RBFOX1: variants seen among roughly 807,000 people sequenced by gnomAD.
RBFOX1 encodes RNA binding protein fox-1 homolog 1.
In RBFOX1, 8 loss-of-function variants were observed where a neutral mutation model predicts 57.7. The observed-to-expected ratio is 0.14, with a 90% confidence interval of 0.08 to 0.25. The LOEUF (loss-of-function observed/expected upper bound fraction) is 0.25, where lower values mean the gene tolerates loss of function less well. Among genes scored for constraint, RBFOX1 ranks in the 10% least tolerant of loss-of-function variants. RBFOX1 has a pLI of 1.00. For synonymous variants in RBFOX1, 326 were observed against 222.4 expected (o/e 1.47, Z -4.15); for missense variants, 611 against 548.5 (o/e 1.11, Z -1.14).
At chr16:7,177,718 C>A (rs866297318) in intron 4 of RBFOX1, among the ~76,000 whole-genome samples, 2 of 152,106 alleles carry the variant, frequency 1.3e-5, no homozygotes, top group Admixed American at 6.6e-5. Context: ...CTGTGAGGAG[C>A]CAGGTCATAA....
At chr16:6,388,972 T>C (rs1186911202) in intron 2 of RBFOX1, among the ~76,000 whole-genome samples, 4 of 152,160 alleles carry the variant, frequency 2.6e-5, no homozygotes, top group Non-Finnish European at 5.9e-5. Context: ...TGACATCACT[T>C]GAAAGGTCCC....
intron 4 of RBFOX1, among the ~76,000 whole-genome samples, chr16:5,875,870 G>A (rs1163710986): frequency 1.3e-5 from 2 of 150,336 alleles, no homozygotes; most frequent in Non-Finnish European, 3.0e-5. Context: ...TTGAGAGGGA[G>A]TCTTGCTTTG....
At chr16:6,327,943 C>T (rs967584905) in intron 2 of RBFOX1, among the ~76,000 whole-genome samples, 1 of 151,936 alleles carries the variant, frequency 6.6e-6, no homozygotes, top group Admixed American at 6.6e-5. Context: ...TTTTATGGGG[C>T]GTACACTCAG....
intron 3 of RBFOX1, among the ~76,000 whole-genome samples, chr16:6,881,211 G>C (rs1017011843): frequency 6.6e-6 from 1 of 152,198 alleles, no homozygotes; most frequent in African/African-American, 2.4e-5. Context: ...AAGGAGAATA[G>C]CCAGGAGTCT....
Position 7,439,076 on chromosome 16 carries a change from T to G in RBFOX1, c.28-79071T>G, listed in dbSNP as rs186907336. Among the ~76,000 whole-genome samples, 110 of 152,282 alleles carry G rather than the reference T, an allele frequency of 7.2e-4. 1 individual carries two copies. Among genetic ancestry groups the G allele is most frequent in the African/African-American group, 2.4e-3 (101 of 41,540 alleles). On this transcript the variant is annotated intron_variant, in intron 4 of 15. Coordinates refer to ENST00000550418, the MANE Select transcript of RBFOX1 (RefSeq NM_018723.4). Reference sequence around the variant, plus strand: ...GTTGAGCCAACGCAGAGTCTCTCTGTGCACTCTCAGTGTGCACAGAGGAGC... The same window carrying G: ...GTTGAGCCAACGCAGAGTCTCTCTGGGCACTCTCAGTGTGCACAGAGGAGC...
chr16:7,228,859 G>A (rs1242947347), intron 4 of RBFOX1, among the ~76,000 whole-genome samples: 1 of 152,194 alleles, frequency 6.6e-6, no homozygotes, highest in Non-Finnish European at 1.5e-5. Context: ...TGAAAAGTGA[G>A]TGTTTTACAG....
chr16:7,428,105 A>G (rs933343104), intron 4 of RBFOX1, among the ~76,000 whole-genome samples: 1 of 152,010 alleles, frequency 6.6e-6, no homozygotes, highest in Non-Finnish European at 1.5e-5. Flanking sequence ...TGCATTTGTC[A>G]TTTCCTCCAA....
At chr16:7,684,711 G>A (rs908529572) in intron 14 of RBFOX1, among the ~76,000 whole-genome samples, 4 of 151,756 alleles carry the variant, frequency 2.6e-5, no homozygotes, top group African/African-American at 9.7e-5. Flanking sequence ...TAAAATTTTA[G>A]AATGTATTAA....
intron 4 of RBFOX1, among the ~76,000 whole-genome samples, chr16:7,206,334 C>G (rs183567829): frequency 5.9e-5 from 9 of 152,026 alleles, no homozygotes; most frequent in Admixed American, 5.9e-4. Context: ...ATTGGTTTGA[C>G]TTTGCCTTGC....
At chr16:5,445,310 C>G (rs1245017509) in intron 1 of RBFOX1, among the ~76,000 whole-genome samples, 1 of 152,148 alleles carries the variant, frequency 6.6e-6, no homozygotes, top group Non-Finnish European at 1.5e-5. Context: ...TTCCTCCTCA[C>G]TCTTCAAATC....
chr16:6,447,187 TC>T (rs1321534203), intron 2 of RBFOX1, among the ~76,000 whole-genome samples: 1 of 152,170 alleles, frequency 6.6e-6, no homozygotes, highest in African/African-American at 2.4e-5. Context: ...ACATTTCCTA[TC>T]TGTGTTTGTG....
chr16:6,379,411 C>T (rs1289736691), intron 2 of RBFOX1, among the ~76,000 whole-genome samples: 1 of 152,088 alleles, frequency 6.6e-6, no homozygotes, highest in Admixed American at 6.6e-5. Context: ...ATGGCCCCCG[C>T]CCCCCTACTT....
chr16:7,350,980 C>G (rs1183176835), intron 4 of RBFOX1, among the ~76,000 whole-genome samples: 1 of 152,222 alleles, frequency 6.6e-6, no homozygotes, highest in Non-Finnish European at 1.5e-5. Context: ...TTTATTAAGT[C>G]TGGCTCTATC....
At chr16:5,676,381 A>ATG (rs746822126) in intron 3 of RBFOX1, among the ~76,000 whole-genome samples, 1 of 152,106 alleles carries the variant, frequency 6.6e-6, no homozygotes, top group East Asian at 1.9e-4. Flanking sequence ...CTGCCCATAT[A>ATG]TGTGTGTGTG....
intron 3 of RBFOX1, among the ~76,000 whole-genome samples, chr16:5,710,145 T>C (rs969191500): frequency 4.0e-5 from 6 of 151,886 alleles, no homozygotes; most frequent in African/African-American, 1.5e-4. Flanking sequence ...TCCCACGAAA[T>C]TCCTACTCAG....
At chr16:6,791,769 C>T (rs978638710) in intron 3 of RBFOX1, among the ~76,000 whole-genome samples, 2 of 152,044 alleles carry the variant, frequency 1.3e-5, no homozygotes, top group Admixed American at 1.3e-4. Flanking sequence ...TCAAAAAAAG[C>T]ATCAAACCAG....
Position 6,788,248 on chromosome 16 carries a change from A to G in RBFOX1, c.-16+133598A>G, listed in dbSNP as rs180910780. Among the ~76,000 whole-genome samples the G allele has an allele frequency of 5.3e-4, 81 of 152,098 alleles. 1 individual carries two copies. The East Asian group carries it at 9.7e-3, about 18-fold the overall frequency. ...ATAATAATAATAATAAAATAAGCCA[A>G]TGAGGTCTGCTGCATCATACCTGTT... On this transcript the variant is annotated intron_variant, in intron 3 of 15. Coordinates refer to ENST00000550418, the MANE Select transcript of RBFOX1 (RefSeq NM_018723.4).
chr16:5,818,355 G>T (rs551431553), intron 3 of RBFOX1, among the ~76,000 whole-genome samples: 1 of 152,280 alleles, frequency 6.6e-6, no homozygotes, highest in African/African-American at 2.4e-5. Context: ...TATATCATGG[G>T]GTTCTCGCAC....
At chr16:7,417,221 A>G (rs557807598) in intron 4 of RBFOX1, among the ~76,000 whole-genome samples, 5 of 151,980 alleles carry the variant, frequency 3.3e-5, no homozygotes, top group East Asian at 3.9e-4. Flanking sequence ...AATACAAAAA[A>G]TACTGGCTGG....
Sources: gnomAD v4.1 joint callset for allele counts (sites outside exome capture counted in the v4.1 genomes callset) on GRCh38, gnomAD v4.1.1 for gene constraint, MANE v1.5 for transcripts, NCBI Gene and HGNC (gene_info 2026-07-23, HGNC 2026-07-21) for gene names.